TSPAN14: variants seen among roughly 807,000 people sequenced by gnomAD.
TSPAN14 encodes tetraspanin 14.
A neutral mutation model predicts 36.6 loss-of-function variants in TSPAN14; 16 were observed. That is an observed-to-expected ratio of 0.44 (90% CI 0.30 to 0.66). The LOEUF (loss-of-function observed/expected upper bound fraction) is 0.66, where lower values mean the gene tolerates loss of function less well. Ranked by LOEUF, TSPAN14 falls within the 30% of genes least tolerant of loss-of-function variation. The probability of loss-of-function intolerance (pLI) is 0.12; values close to 1 mark genes in which losing one functional copy is unlikely to be tolerated. For synonymous variants in TSPAN14, 139 were observed against 143.8 expected, an observed-to-expected ratio of 0.97 and a Z score of 0.24; for missense variants, 231 against 355.1, an observed-to-expected ratio of 0.65 and a Z score of 2.81.
intron 1 of TSPAN14, among the ~76,000 whole-genome samples, chr10:80,473,083 T>G (rs185458790): frequency 7.2e-5 from 11 of 152,332 alleles, no homozygotes; most frequent in Admixed American, 4.6e-4. Flanking sequence ...CATGTTGGGT[T>G]TCTGGGTCAG....
At position 80,501,326 on chromosome 10, in the gene TSPAN14, A is replaced by C. The variant is rs576328279; in HGVS notation, c.82-3402A>C. 1.3e-4 allele frequency among the ~76,000 whole-genome samples: 16 copies of C among 119,318 alleles called. No homozygotes were observed. The South Asian group carries it at 4.2e-3, about 31-fold the overall frequency. The allele number at this position is 119,318 out of a possible 152,430, so 78.3% of individuals were successfully genotyped here. ...TTTTTTAAGAGATGGGGGTCTTGCT[A>C]TGTTGCCCAGGCTGGTCTTGAACGC... is the stretch of plus-strand genomic sequence containing the variant. On this transcript the variant is annotated intron_variant, in intron 2 of 8. Transcript: ENST00000429989.
At position 80,514,268 on chromosome 10, in the gene TSPAN14, A is replaced by T. The variant is rs566657340; in HGVS notation, c.621+205A>T. On this transcript the variant is annotated intron_variant, in intron 7 of 8. Coordinates refer to ENST00000429989, the Ensembl canonical transcript of TSPAN14. The stretch of plus-strand genomic sequence containing the variant: ...AGGACTCCTGGGAGCAGTAATGGTG[A>T]TTCTAAGCCTTGTGAGCTGCAGTCC... 4.6e-5 allele frequency among the ~76,000 whole-genome samples: 7 copies of T among 152,324 alleles called. No homozygotes were observed. The South Asian group carries it at 1.4e-3, about 32-fold the overall frequency.
chr10:80,505,853 G>A (rs528639853), intron 3 of TSPAN14, among the ~76,000 whole-genome samples: 83 of 152,352 alleles, frequency 5.4e-4, no homozygotes, highest in Non-Finnish European at 2.5e-4. Context: ...TAAGTGAAAA[G>A]GCCAGAACCT....
At chr10:80,520,762 A>T (rs374979883) in exon 9 of TSPAN14, 3 of 533,100 alleles carry the variant, frequency 5.6e-6, no homozygotes, top group Admixed American at 1.9e-5. Flanking sequence ...ACCACCCACC[A>T]TGCCCCACGT....
intron 7 of TSPAN14, chr10:80,515,640 G>A (rs1840897063): frequency 6.5e-6 from 1 of 153,800 alleles, no homozygotes; most frequent in African/African-American, 2.4e-5. Context: ...AGGGGGCTGG[G>A]GCCGATTGCC....
At chr10:80,511,589 G>A (rs559083350) in intron 5 of TSPAN14, among the ~76,000 whole-genome samples, 62 of 152,202 alleles carry the variant, frequency 4.1e-4, no homozygotes, top group Non-Finnish European at 6.9e-4. Flanking sequence ...CTGGCAGTGG[G>A]GCCAGAGGGC....
exon 9 of TSPAN14, chr10:80,518,988 C>T (rs1841103009): frequency 6.5e-6 from 1 of 152,984 alleles, no homozygotes; most frequent in Non-Finnish European, 1.5e-5. Context: ...CCCAGCGTGG[C>T]CTCACTGTCT....
intron 1 of TSPAN14, among the ~76,000 whole-genome samples, chr10:80,463,594 T>C (rs968380384): frequency 5.9e-5 from 9 of 152,216 alleles, no homozygotes; most frequent in African/African-American, 2.2e-4. Flanking sequence ...CAGCAGTGCA[T>C]GATTCTGCTG....
chr10:80,502,720 G>A (rs539149850), intron 2 of TSPAN14, among the ~76,000 whole-genome samples: 1 of 152,278 alleles, frequency 6.6e-6, no homozygotes, highest in African/African-American at 2.4e-5. Context: ...ATCGTTAGCT[G>A]TCTTAGGAGG....
At chr10:80,482,867 C>T (rs1269347652) in intron 1 of TSPAN14, among the ~76,000 whole-genome samples, 1 of 151,364 alleles carries the variant, frequency 6.6e-6, no homozygotes, top group Non-Finnish European at 1.5e-5. Context: ...TCCCGAGTAG[C>T]TGGTATTACA....
In TSPAN14 at chr10:80,474,594, G is replaced by C. The variant is rs931101760; in HGVS notation, c.-17-14623G>C. Among the ~76,000 whole-genome samples, 28 of 152,202 alleles carry C rather than the reference G, an allele frequency of 1.8e-4. No homozygotes were observed. The East Asian group carries it at 5.4e-3, about 29-fold the overall frequency. The stretch of plus-strand genomic sequence containing the variant: ...CATGCTTTGTCTGGTATTTGTGCCT[G>C]GTGCTTGTGTGGAAAGATGCAAATC... On this transcript the variant is annotated intron_variant, in intron 1 of 8. Coordinates refer to ENST00000429989, the Ensembl canonical transcript of TSPAN14.
chr10:80,492,612 C>T (rs558349784), intron 2 of TSPAN14, among the ~76,000 whole-genome samples: 1 of 152,214 alleles, frequency 6.6e-6, no homozygotes, highest in Non-Finnish European at 1.5e-5. Flanking sequence ...GTCAGGAGAT[C>T]AAGACCATCC....
At chr10:80,517,579 C>T (rs1458372523) in intron 8 of TSPAN14, among the ~76,000 whole-genome samples, 1 of 152,244 alleles carries the variant, frequency 6.6e-6, no homozygotes, top group Non-Finnish European at 1.5e-5. Context: ...TTTGGTTTAA[C>T]CCAGGGACAG....
At chr10:80,470,446 C>T (rs1429593771) in intron 1 of TSPAN14, among the ~76,000 whole-genome samples, 1 of 152,232 alleles carries the variant, frequency 6.6e-6, no homozygotes, top group Non-Finnish European at 1.5e-5. Context: ...ATATGGAAGA[C>T]TGACAGTATA....
intron 2 of TSPAN14, among the ~76,000 whole-genome samples, chr10:80,500,314 CTTTTTTTTTTTTTTTTTTT>C (rs144759161): frequency 1.4e-3 from 65 of 47,894 alleles, no homozygotes; most frequent in African/African-American, 4.8e-3. Flanking sequence ...AGGCCTTATT[CTTTTTTTTTTTTTTTTTTT>C]TTTTTTTTTT....
chr10:80,508,657 C>G (rs1029518978), intron 4 of TSPAN14, among the ~76,000 whole-genome samples: 3 of 152,166 alleles, frequency 2.0e-5, no homozygotes, highest in African/African-American at 7.2e-5. Flanking sequence ...CATATACTTT[C>G]ATGCAGAGTT....
chr10:80,509,060 G>A lies in TSPAN14; in HGVS notation c.280-241G>A, dbSNP rs1356321447. Among the ~76,000 whole-genome samples the A allele has an allele frequency of 2.6e-5, 4 of 152,332 alleles. No individual in the cohort carries two copies. In the East Asian group the frequency reaches 7.7e-4, roughly 29 times the overall value. The stretch of plus-strand genomic sequence containing the variant: ...TTCTCACACTTTTTCACGCATTTGA[G>A]TGTTATCAGCAATGCAGTGACATGG... On this transcript the variant is annotated intron_variant, in intron 4 of 8. Transcript: ENST00000429989. The surrounding 1 kb of genome is among the most constrained non-coding windows in gnomAD (Gnocchi z 4.7).
chr10:80,494,341 T>C lies in TSPAN14; in HGVS notation c.81+5027T>C, dbSNP rs148504812. ...ATGCCTCCTGTGAGTAGGGCGAACA[T>C]GTAATCTGTGGTTCAACTTTTGACA... On this transcript the variant is annotated intron_variant, in intron 2 of 8. Coordinates refer to ENST00000429989, the Ensembl canonical transcript of TSPAN14. 4.6e-5 allele frequency among the ~76,000 whole-genome samples: 7 copies of C among 152,316 alleles called. No individual in the cohort carries two copies. The East Asian group carries it at 1.2e-3, about 25-fold the overall frequency.
At chr10:80,512,077 T>C in intron 5 of TSPAN14, 67 bp from the exon 6 acceptor site, 3 of 1,605,764 alleles carry the variant, frequency 1.9e-6, no homozygotes, top group Non-Finnish European at 2.6e-6. Context: ...CTATGAATGA[T>C]GCCCTATGCT....
Sources: allele counts gnomAD v4.1 joint callset (sites outside exome capture counted in the v4.1 genomes callset), GRCh38; gene constraint gnomAD v4.1.1; non-coding constraint Gnocchi (gnomAD v3.1); transcripts MANE v1.5; gene names NCBI Gene and HGNC (gene_info 2026-07-23, HGNC 2026-07-21).